The following ZNF609 variants were observed in gnomAD, a reference collection of about 807,000 sequenced individuals.
ZNF609 encodes the protein zinc finger protein 609.
In ZNF609, 11 loss-of-function variants were observed where a neutral mutation model predicts 109.5. That is an observed-to-expected ratio of 0.10 (90% CI 0.06 to 0.17). The LOEUF is 0.17. ZNF609 is among the 10% of genes least tolerant of loss of function. The pLI, the probability that ZNF609 is intolerant of heterozygous loss-of-function variation, is 1.00. For missense variants in ZNF609, 1,559 were observed against 1,772.4 expected (o/e 0.88, Z 2.16); for synonymous variants, 646 against 662.0 (o/e 0.98, Z 0.37).
intron 2 of ZNF609, among the ~76,000 whole-genome samples, chr15:64,546,527 C>T (rs568804519): frequency 4.1e-5 from 6 of 144,848 alleles, no homozygotes; most frequent in South Asian, 2.5e-4. Flanking sequence ...GGTTGGAGTG[C>T]GGTGGTGCGA....
At chr15:64,653,698 ATTCAACCC>A (rs1896449573) in intron 3 of ZNF609, among the ~76,000 whole-genome samples, 1 of 152,200 alleles carries the variant, frequency 6.6e-6, no homozygotes, top group Non-Finnish European at 1.5e-5. Flanking sequence ...TGACATGTTT[ATTCAACCC>A]CACTCCCCCA....
chr15:64,614,255 G>A (rs1895764167), intron 2 of ZNF609, among the ~76,000 whole-genome samples: 1 of 135,128 alleles, frequency 7.4e-6, no homozygotes, highest in South Asian at 2.3e-4. Flanking sequence ...TTTTGAGACG[G>A]AGTCTTGCTC....
chr15:64,646,323 A>G (rs910106676), intron 3 of ZNF609, among the ~76,000 whole-genome samples: 15 of 152,040 alleles, frequency 9.9e-5, no homozygotes, highest in Admixed American at 3.3e-4. Flanking sequence ...GCAAGACTGC[A>G]TCTCTAGAAA....
intron 1 of ZNF609, among the ~76,000 whole-genome samples, chr15:64,480,573 C>T (rs2140337004): frequency 6.6e-6 from 1 of 151,944 alleles, no homozygotes; most frequent in South Asian, 2.1e-4. Context: ...ATTTAATTCT[C>T]ATCTCATATG....
intron 2 of ZNF609, among the ~76,000 whole-genome samples, chr15:64,598,881 T>C (rs1336520346): frequency 1.3e-5 from 2 of 149,706 alleles, no homozygotes; most frequent in Non-Finnish European, 1.5e-5. Context: ...CAAACTGCCC[T>C]CTAGAGAAGG....
chr15:64,567,491 A>G (rs1225768185), intron 2 of ZNF609, among the ~76,000 whole-genome samples: 2 of 152,038 alleles, frequency 1.3e-5, no homozygotes, highest in Non-Finnish European at 2.9e-5. Flanking sequence ...CAAAAAAAAA[A>G]CAAAAAACAT....
chr15:64,612,059 A>G (rs1016961265), intron 2 of ZNF609, among the ~76,000 whole-genome samples: 12 of 150,688 alleles, frequency 8.0e-5, no homozygotes, highest in African/African-American at 2.7e-4. Context: ...CTAGTGCACA[A>G]TAGAACAGCC....
intron 1 of ZNF609, among the ~76,000 whole-genome samples, chr15:64,462,988 T>A (rs1430197659): frequency 2.0e-5 from 3 of 152,242 alleles, no homozygotes; most frequent in Non-Finnish European, 4.4e-5. Context: ...GGCATGGTGC[T>A]CACACCTGTA....
chr15:64,666,100 CAAATAA>C (rs1255271205), intron 3 of ZNF609, among the ~76,000 whole-genome samples: 3 of 144,730 alleles, frequency 2.1e-5, no homozygotes, highest in Non-Finnish European at 3.0e-5. Context: ...CACACACACA[CAAATAA>C]AAATAAAAGT....
chr15:64,566,008 C>T (rs2140408902), intron 2 of ZNF609, among the ~76,000 whole-genome samples: 1 of 152,124 alleles, frequency 6.6e-6, no homozygotes, highest in East Asian at 1.9e-4. Flanking sequence ...ACCACCATGC[C>T]CGGCTAATTT....
chr15:64,480,812 A>G (rs780847675), intron 1 of ZNF609, among the ~76,000 whole-genome samples: 1 of 152,240 alleles, frequency 6.6e-6, no homozygotes, highest in Non-Finnish European at 1.5e-5. Context: ...GAAATGTTAA[A>G]GGAATTGGAG....
intron 2 of ZNF609, chr15:64,503,108 T>C (rs1391748741): frequency 6.6e-6 from 1 of 152,098 alleles, no homozygotes; most frequent in Non-Finnish European, 1.5e-5. Flanking sequence ...TGTTCTTCTT[T>C]GTGAAGGTAG....
intron 1 of ZNF609, among the ~76,000 whole-genome samples, chr15:64,489,162 C>G (rs1376700486): frequency 6.6e-6 from 1 of 151,422 alleles, no homozygotes; most frequent in African/African-American, 2.4e-5. Context: ...TGTGTGCAAG[C>G]CTAGTTTTGT....
chr15:64,466,432 C>G lies in ZNF609; in HGVS notation c.-128+5594C>G, dbSNP rs1893016461. Among the ~76,000 whole-genome samples, 4 of 152,126 alleles carry G rather than the reference C, an allele frequency of 2.6e-5. No individual in the cohort carries two copies. In the South Asian group the frequency reaches 8.3e-4, roughly 31 times the overall value. ...ACGACCTAATGGAATTCACAGGGTA[C>G]TAATTAACGGATGATTGAAGAGAAA... On this transcript the variant is annotated intron_variant, in intron 1 of 9. Coordinates refer to ENST00000326648, the MANE Select transcript of ZNF609 (RefSeq NM_015042.2).
At chr15:64,665,887 CAA>C (rs974205688) in intron 3 of ZNF609, among the ~76,000 whole-genome samples, 3 of 151,076 alleles carry the variant, frequency 2.0e-5, no homozygotes, top group African/African-American at 4.9e-5. Flanking sequence ...GTCTAGGCAA[CAA>C]GAGCAAAACT....
chr15:64,601,358 T>A (rs1376605367), intron 2 of ZNF609, among the ~76,000 whole-genome samples: 1 of 152,044 alleles, frequency 6.6e-6, no homozygotes, highest in African/African-American at 2.4e-5. Context: ...GATAGTTAAA[T>A]CCCCATCTTA....
chr15:64,523,793 G>T (rs1893927788), intron 2 of ZNF609, among the ~76,000 whole-genome samples: 1 of 151,814 alleles, frequency 6.6e-6, no homozygotes, highest in South Asian at 2.1e-4. Flanking sequence ...AATCTTCTAT[G>T]TTATAAACTT....
intron 6 of ZNF609, among the ~76,000 whole-genome samples, chr15:64,679,048 G>T (rs1323720767): frequency 1.3e-5 from 2 of 152,174 alleles, no homozygotes; most frequent in African/African-American, 4.8e-5. Flanking sequence ...GAAAAGACAA[G>T]CTCTTTATAG....
At chr15:64,587,800 C>T (rs1895222402) in intron 2 of ZNF609, among the ~76,000 whole-genome samples, 1 of 152,050 alleles carries the variant, frequency 6.6e-6, no homozygotes, top group South Asian at 2.1e-4. Context: ...TCCTGATTGT[C>T]TATGGATGTG....
Sources: gnomAD v4.1 joint callset for allele counts (sites outside exome capture counted in the v4.1 genomes callset) on GRCh38, gnomAD v4.1.1 for gene constraint, MANE v1.5 for transcripts, NCBI Gene and HGNC (gene_info 2026-07-23, HGNC 2026-07-21) for gene names.